ZNF717: variants seen among roughly 807,000 people sequenced by gnomAD.
ZNF717 encodes the protein krueppel-like factor X17.
ZNF717 carries 9 observed loss-of-function variants against 13.8 expected under a neutral mutation model. The ratio of observed to expected loss-of-function variants is 0.65; its 90% CI spans 0.39 to 1.14. ZNF717 has a LOEUF of 1.14. Ranked by LOEUF, ZNF717 falls within the 50% of genes most tolerant of loss-of-function variation. ZNF717 has a pLI of 0.01. For synonymous variants in ZNF717, 327 were observed against 364.1 expected (o/e 0.90, Z 1.16); for missense variants, 1,040 against 1,080.7 (o/e 0.96, Z 0.53).
intron 2 of ZNF717, among the ~76,000 whole-genome samples, chr3:75,756,927 C>T (rs766143059): frequency 2.4e-4 from 28 of 115,418 alleles, no homozygotes; most frequent in African/African-American, 7.9e-4. Context: ...CTGCCCGCCT[C>T]GGCCTCCCAA....
chr3:75,771,858 A>T (rs1183377598), intron 2 of ZNF717, among the ~76,000 whole-genome samples: 1 of 152,216 alleles, frequency 6.6e-6, no homozygotes, highest in Non-Finnish European at 1.5e-5. Context: ...GCTCAGTCAT[A>T]CCTGGTCCTG....
In ZNF717 at chr3:75,747,882, C is replaced by CA. The variant is rs1236264021; in HGVS notation, c.58-6147dup. On this transcript the variant is annotated intron_variant, in intron 2 of 4. Transcript: ENST00000652011. ...GGAGATAGAGACATAAAAAACCCTT[C>CA]AAAAAATCAATGAATCCAGGAGCTG... Among the ~76,000 whole-genome samples, 568 of 151,822 alleles carry CA rather than the reference C, an allele frequency of 3.7e-3. 5 individuals are homozygous for CA. Among genetic ancestry groups the CA allele is most frequent in the African/African-American group, 0.013 (550 of 41,402 alleles).
intron 2 of ZNF717, among the ~76,000 whole-genome samples, chr3:75,769,376 C>G (rs144938367): frequency 6.6e-6 from 1 of 151,988 alleles, no homozygotes; most frequent in African/African-American, 2.4e-5. Context: ...TGGGTGCCTG[C>G]TCCACGTCCC....
chr3:75,702,404 G>A (rs1235321982), intron 6 of ZNF717, among the ~76,000 whole-genome samples: 72 of 152,400 alleles, frequency 4.7e-4, no homozygotes, highest in African/African-American at 1.6e-3. Flanking sequence ...ACTTATTTGT[G>A]GGTGCTAACA....
At chr3:75,727,036 C>G (rs923394466), downstream of ZNF717, among the ~76,000 whole-genome samples, 1 of 152,234 alleles carries the variant, frequency 6.6e-6, no homozygotes, top group Non-Finnish European at 1.5e-5. Context: ...AATGGAGGGA[C>G]TGGCTGGAAC....
rs1559707461 is a variant in ZNF717, at chr3:75,785,517, TAGAAC to T, written c.-141_-137del. 6.6e-6 allele frequency: 1 copy of T among 152,426 alleles called. No individual in the cohort carries two copies. Among genetic ancestry groups the T allele is most frequent in the East Asian group, 1.9e-4 (1 of 5,194 alleles). 9.4% of individuals were successfully genotyped at this position (152,426 alleles called of 1,614,324 possible). A position where few individuals can be genotyped will look rare whatever the true frequency, so the allele number is the denominator to read the frequency against. ...GCCCTCGCACCGACCCGCAGGGACA[TAGAAC>T]CAAGCCCCAGGCTGGCCCAGCTACA... On this transcript the variant is annotated 5_prime_UTR_variant, in exon 1 of 5. Transcript: ENST00000652011.
chr3:75,764,429 A>AAC (rs1943266305), intron 2 of ZNF717, among the ~76,000 whole-genome samples: 1 of 152,242 alleles, frequency 6.6e-6, no homozygotes, highest in Admixed American at 6.5e-5. Context: ...GTAACAGAAT[A>AAC]ACATAATCTA....
chr3:75,702,038 G>A (rs1455663171), intron 6 of ZNF717, among the ~76,000 whole-genome samples: 1 of 152,402 alleles, frequency 6.6e-6, no homozygotes, highest in Admixed American at 6.5e-5. Flanking sequence ...GTTGTTGGGA[G>A]CACAGTTAAG....
chr3:75,753,189 A>C (rs1422164094), intron 2 of ZNF717, among the ~76,000 whole-genome samples: 1 of 151,534 alleles, frequency 6.6e-6, no homozygotes, highest in African/African-American at 2.4e-5. Flanking sequence ...ATTCCAGAAC[A>C]CTGCTGCGAG....
chr3:75,770,288 C>T (rs559371778), intron 2 of ZNF717, among the ~76,000 whole-genome samples: 14 of 152,340 alleles, frequency 9.2e-5, no homozygotes, highest in East Asian at 5.8e-4. Flanking sequence ...AGGCCGGGCA[C>T]GGTGGCTCAC....
At chr3:75,716,834 T>G (rs1938065555) in intron 4 of ZNF717, among the ~76,000 whole-genome samples, 1 of 152,204 alleles carries the variant, frequency 6.6e-6, no homozygotes, top group East Asian at 1.9e-4. Flanking sequence ...CCTCCTTGTC[T>G]TCTTCATTCA....
intron 2 of ZNF717, among the ~76,000 whole-genome samples, chr3:75,753,440 G>T (rs796124328): frequency 1.2e-3 from 127 of 106,076 alleles, no homozygotes; most frequent in African/African-American, 2.9e-3. Context: ...CTGCTACGAG[G>T]GTCTGAATGT....
Position 75,738,712 on chromosome 3 carries a change from A to ATAAGGTCT in ZNF717, c.910_911insAGACCTTA (p.Met304LysfsTer278). The ATAAGGTCT allele has an allele frequency of 6.9e-7, 1 of 1,442,986 alleles. No individual in the cohort carries two copies. 89.4% of individuals were successfully genotyped at this position (1,442,986 alleles called of 1,614,324 possible). On this transcript the variant is annotated frameshift_variant, in exon 5 of 5. Coordinates refer to ENST00000652011, the MANE Select transcript of ZNF717 (RefSeq NM_001290208.3). LOFTEE classifies it low-confidence loss of function (END_TRUNC). ...GGCATAAGGTTTTTCCTCAGTAGGC[A>ATAAGGTCT]TCTTGCACTGTAGCATAAGGTCTGA...
chr3:75,725,699 GAGC>G (rs1938265353), downstream of ZNF717, among the ~76,000 whole-genome samples: 1 of 138,844 alleles, frequency 7.2e-6, no homozygotes, highest in Admixed American at 7.4e-5. Flanking sequence ...AGACAAGAGA[GAGC>G]ATGTGTAGGG....
rs745547929 is a variant in ZNF717, at chr3:75,737,713, T to A, written c.1910A>T (p.His637Leu). 4 of 1,545,112 alleles carry A rather than the reference T, an allele frequency of 2.6e-6. No homozygotes were observed. In the African/African-American group the frequency reaches 4.1e-5, roughly 16 times the overall value. Reference sequence around the variant, plus strand: ...TTTCTCTCCTGTGTGAGTTCCCTGATGGGTGCTGAGATTTGACTTCTGACG... The same window carrying A: ...TTTCTCTCCTGTGTGAGTTCCCTGAAGGGTGCTGAGATTTGACTTCTGACG... ...TFRQKSNLST[H>L]QGTHTGEKPY... Residue 637 changes from histidine to leucine, a missense_variant, in exon 5 of 5, where the codon CAT (histidine) becomes CTT (leucine). Physicochemically the swap from His to Leu is moderately conservative, Grantham distance 99. Coordinates refer to ENST00000652011, the MANE Select transcript of ZNF717 (RefSeq NM_001290208.3).
At chr3:75,743,159 T>C (rs2107229378) in intron 2 of ZNF717, among the ~76,000 whole-genome samples, 1 of 152,316 alleles carries the variant, frequency 6.6e-6, no homozygotes, top group South Asian at 2.1e-4. Flanking sequence ...CAAAGATGCA[T>C]TTCTCAGAAA....
At chr3:75,744,628 A>C (rs1172479618) in intron 2 of ZNF717, among the ~76,000 whole-genome samples, 2 of 152,242 alleles carry the variant, frequency 1.3e-5, no homozygotes, top group Non-Finnish European at 2.9e-5. Flanking sequence ...TAAGTGTTAA[A>C]AACTACAAAG....
chr3:75,734,310 C>T (rs1448215178), downstream of ZNF717, among the ~76,000 whole-genome samples: 1 of 152,066 alleles, frequency 6.6e-6, no homozygotes, highest in Non-Finnish European at 1.5e-5. Context: ...ACCTCATGAT[C>T]CACCCATCTC....
In ZNF717 at chr3:75,737,658, G is replaced by C. The variant is rs1367692169; in HGVS notation, c.1965C>G (p.Thr655=). The change falls in exon 5 of 5, where the codon ACC becomes ACG. Residue 655 remains threonine, a synonymous_variant. Transcript: ENST00000652011. Reference sequence around the variant, plus strand: ...TGGTGAGGAATGACTTGCGATGAAAGGTTTTTCCACATTCATTACATACGT... The same window carrying C: ...TGGTGAGGAATGACTTGCGATGAAACGTTTTTCCACATTCATTACATACGT... ...KPYVCNECGK[T]FHRKSFLTIH... 2.6e-6 allele frequency: 4 copies of C among 1,537,324 alleles called. No homozygotes were observed. The highest frequency in any genetic ancestry group is 3.5e-6 in the Non-Finnish European group (4 of 1,140,794).
Sources: allele counts gnomAD v4.1 joint callset (sites outside exome capture counted in the v4.1 genomes callset), GRCh38; gene constraint gnomAD v4.1.1; transcripts MANE v1.5; gene names NCBI Gene and HGNC (gene_info 2026-07-23, HGNC 2026-07-21).